The following SCAPER variants were observed in gnomAD, a reference collection of about 807,000 sequenced individuals.
SCAPER encodes the protein S phase cyclin A-associated protein in the endoplasmic reticulum.
SCAPER carries 98 observed loss-of-function variants against 182.2 expected under a neutral mutation model. The observed-to-expected ratio is 0.54, with a 90% confidence interval of 0.46 to 0.64. The LOEUF (loss-of-function observed/expected upper bound fraction) is 0.64. Ranked by LOEUF, SCAPER falls within the 30% of genes least tolerant of loss-of-function variation. The probability of loss-of-function intolerance (pLI) is 0.00; values close to 1 mark genes in which losing one functional copy is unlikely to be tolerated. For missense variants in SCAPER, 1,432 were observed against 1,690.0 expected (o/e 0.85, Z 2.68); for synonymous variants, 605 against 564.6 (o/e 1.07, Z -1.01).
At chr15:76,548,479 C>G (rs2045480672) in intron 23 of SCAPER, among the ~76,000 whole-genome samples, 1 of 152,136 alleles carries the variant, frequency 6.6e-6, no homozygotes, top group African/African-American at 2.4e-5. Flanking sequence ...TTTTGTTTCC[C>G]AAGTTGATAT....
intron 5 of SCAPER, among the ~76,000 whole-genome samples, chr15:76,829,621 T>C (rs2068285052): frequency 6.6e-6 from 1 of 152,112 alleles, no homozygotes; most frequent in African/African-American, 2.4e-5. Context: ...TGCATCTGCT[T>C]GAAGAACATT....
intron 16 of SCAPER, among the ~76,000 whole-genome samples, chr15:76,731,783 A>G (rs1168747379): frequency 1.3e-5 from 2 of 152,240 alleles, no homozygotes; most frequent in African/African-American, 2.4e-5. Flanking sequence ...AAATAATTCT[A>G]AAGAGCCAAA....
chr15:76,405,482 CA>C (rs2044762050), intron 26 of SCAPER, among the ~76,000 whole-genome samples: 1 of 152,114 alleles, frequency 6.6e-6, no homozygotes, highest in Admixed American at 6.6e-5. Flanking sequence ...CCATTAACAG[CA>C]TAACAAACAG....
At chr15:76,428,624 G>A (rs2046605186) in intron 26 of SCAPER, among the ~76,000 whole-genome samples, 1 of 151,894 alleles carries the variant, frequency 6.6e-6, no homozygotes. Context: ...GCGGTTACCA[G>A]AGGCTGAGGA....
chr15:76,820,615 G>T (rs1598917483), intron 5 of SCAPER, among the ~76,000 whole-genome samples: 1 of 150,920 alleles, frequency 6.6e-6, no homozygotes, highest in African/African-American at 2.4e-5. Context: ...GGGAGGGATA[G>T]CATCAGGAGA....
chr15:76,820,382 A>AG (rs2067439316), intron 5 of SCAPER, among the ~76,000 whole-genome samples: 1 of 152,214 alleles, frequency 6.6e-6, no homozygotes, highest in Non-Finnish European at 1.5e-5. Context: ...AATGTGGCAC[A>AG]TATACACCAT....
At chr15:76,740,817 T>C (rs2061502823) in intron 15 of SCAPER, among the ~76,000 whole-genome samples, 1 of 152,164 alleles carries the variant, frequency 6.6e-6, no homozygotes, top group African/African-American at 2.4e-5. Flanking sequence ...CTGAGGAATT[T>C]AAAGTTACAG....
intron 29 of SCAPER, among the ~76,000 whole-genome samples, chr15:76,361,198 C>A (rs953790874): frequency 6.6e-6 from 1 of 152,056 alleles, no homozygotes; most frequent in Non-Finnish European, 1.5e-5. Flanking sequence ...GAGTCTATCA[C>A]GTTGTATAAA....
intron 29 of SCAPER, among the ~76,000 whole-genome samples, chr15:76,369,688 A>C (rs1023815352): frequency 6.6e-6 from 1 of 152,264 alleles, no homozygotes; most frequent in Non-Finnish European, 1.5e-5. Context: ...TGGGGGCAGT[A>C]GAAAGGGAAT....
At chr15:76,734,172 A>G (rs1380186603) in intron 15 of SCAPER, among the ~76,000 whole-genome samples, 1 of 152,244 alleles carries the variant, frequency 6.6e-6, no homozygotes, top group Non-Finnish European at 1.5e-5. Flanking sequence ...GATACAAGGT[A>G]CTGAACTATA....
At chr15:76,450,262 A>G (rs1386402409) in intron 25 of SCAPER, among the ~76,000 whole-genome samples, 1 of 152,212 alleles carries the variant, frequency 6.6e-6, no homozygotes, top group Non-Finnish European at 1.5e-5. Context: ...AATATAAGGA[A>G]AGCAAATCAA....
intron 16 of SCAPER, 87 bp downstream of exon 16, chr15:76,733,142 G>T: frequency 8.4e-7 from 1 of 1,192,546 alleles, no homozygotes; most frequent in Non-Finnish European, 1.2e-6. Flanking sequence ...TCCGCACATG[G>T]GGAGAAAAAC....
chr15:76,494,809 G>A (rs2040345567), intron 24 of SCAPER, among the ~76,000 whole-genome samples: 1 of 151,894 alleles, frequency 6.6e-6, no homozygotes, highest in African/African-American at 2.4e-5. Flanking sequence ...TATGATGTAA[G>A]CTCTTTGAAG....
At chr15:76,870,320 G>C (rs970401225) in intron 2 of SCAPER, among the ~76,000 whole-genome samples, 4 of 151,880 alleles carry the variant, frequency 2.6e-5, no homozygotes, top group Non-Finnish European at 5.9e-5. Flanking sequence ...CAAATTATAT[G>C]AATGTAATCA....
chr15:76,871,824 C>T (rs1389301343), intron 2 of SCAPER, among the ~76,000 whole-genome samples: 1 of 152,028 alleles, frequency 6.6e-6, no homozygotes, highest in Non-Finnish European at 1.5e-5. Flanking sequence ...CTCCTGACCT[C>T]AAGTGATCCA....
At chr15:76,488,743 T>TTTTTTTTTTTTTTTTTTTTTTTTTTG (rs2051947371) in intron 24 of SCAPER, among the ~76,000 whole-genome samples, 1 of 82,656 alleles carries the variant, frequency 1.2e-5, no homozygotes. Flanking sequence ...TTTTTTTTTT[T>TTTTTTTTTTTTTTTTTTTTTTTTTTG]GAGACGGAGT....
intron 1 of SCAPER, among the ~76,000 whole-genome samples, chr15:76,897,280 A>G (rs780706867): frequency 1.4e-4 from 22 of 152,152 alleles, no homozygotes; most frequent in African/African-American, 1.9e-4. Flanking sequence ...CAACTTCAAA[A>G]ACCTGTAATG....
chr15:76,368,838 T>A (rs1238210010), intron 29 of SCAPER, among the ~76,000 whole-genome samples: 1 of 152,176 alleles, frequency 6.6e-6, no homozygotes, highest in East Asian at 1.9e-4. Context: ...TTTGAGTTAA[T>A]TTAATTATCA....
chr15:76,637,337 A>G (rs1438558043), intron 21 of SCAPER, among the ~76,000 whole-genome samples: 2 of 152,152 alleles, frequency 1.3e-5, no homozygotes, highest in Non-Finnish European at 2.9e-5. Context: ...CTGTTTTCCC[A>G]AGCAGATGCA....
Sources: gnomAD v4.1 joint callset for allele counts (sites outside exome capture counted in the v4.1 genomes callset) on GRCh38, gnomAD v4.1.1 for gene constraint, MANE v1.5 for transcripts, NCBI Gene and HGNC (gene_info 2026-07-23, HGNC 2026-07-21) for gene names.